Variants in HACE1 observed in about 807,000 individuals in gnomAD.
The protein encoded by HACE1 is HECT domain and ankyrin repeat containing E3 ubiquitin protein ligase 1.
Under a neutral mutation model 118.4 loss-of-function variants are expected in HACE1, and 73 were observed. The observed-to-expected ratio is 0.62, with a 90% confidence interval of 0.51 to 0.75. The LOEUF (loss-of-function observed/expected upper bound fraction) is 0.75, where lower values mean the gene tolerates loss of function less well. Among genes scored for constraint, HACE1 ranks in the 30% least tolerant of loss-of-function variants. HACE1 has a pLI of 0.00. For synonymous variants in HACE1, 368 were observed against 374.8 expected, an observed-to-expected ratio of 0.98 and a Z score of 0.21; for missense variants, 749 against 1,102.2, an observed-to-expected ratio of 0.68 and a Z score of 4.54.
intron 6 of HACE1, among the ~76,000 whole-genome samples, chr6:104,814,632 A>C (rs533306095): frequency 7.3e-6 from 1 of 137,370 alleles, no homozygotes; most frequent in Non-Finnish European, 1.6e-5. Flanking sequence ...GATTATTTCT[A>C]GGTTTAGAGG....
chr6:104,744,316 G>C, intron 21 of HACE1, 86 bp from the exon 22 acceptor site: 2 of 928,752 alleles, frequency 2.2e-6, no homozygotes, highest in Non-Finnish European at 3.6e-6. Context: ...TATTCATAAA[G>C]CACATTTTAT....
chr6:104,826,502 T>C (rs895148712), intron 6 of HACE1, among the ~76,000 whole-genome samples: 1 of 152,188 alleles, frequency 6.6e-6, no homozygotes, highest in Non-Finnish European at 1.5e-5. Flanking sequence ...CTGTGAAAAA[T>C]GCACTGATCT....
intron 7 of HACE1, among the ~76,000 whole-genome samples, chr6:104,810,437 G>A (rs1228093249): frequency 1.3e-5 from 2 of 151,892 alleles, no homozygotes; most frequent in African/African-American, 4.8e-5. Context: ...GAAGAAGAGA[G>A]GAGCTTTCTG....
Position 104,852,379 on chromosome 6 carries a change from A to G in HACE1, c.77-8T>C. ...AAACAGCAGTTTCATTATCTGAGTA[A>G]AAAAAAACAAAGAGTTCATTTATCC... On this transcript the variant is annotated splice_polypyrimidine_tract_variant and splice_region_variant and intron_variant, in intron 1 of 23. Transcript: ENST00000262903. 6.9e-7 allele frequency: 1 copy of G among 1,443,174 alleles called. No homozygotes were observed. Among genetic ancestry groups the G allele is most frequent in the Non-Finnish European group, 9.5e-7 (1 of 1,052,126 alleles). The allele number at this position is 1,443,174 out of a possible 1,614,324, so 89.4% of individuals were successfully genotyped here. A position where few individuals can be genotyped will look rare whatever the true frequency, so the allele number is the denominator to read the frequency against.
At chr6:104,832,465 C>T (rs1193822653) in intron 6 of HACE1, among the ~76,000 whole-genome samples, 7 of 152,076 alleles carry the variant, frequency 4.6e-5, no homozygotes, top group Admixed American at 3.9e-4. Context: ...ACAATCTCAG[C>T]TCACTGCAAC....
rs1773409474 is a variant in HACE1, at chr6:104,827,047, C to T, written c.534+5995G>A. Among the ~76,000 whole-genome samples, 4 of 152,230 alleles carry T rather than the reference C, an allele frequency of 2.6e-5. No individual in the cohort carries two copies. The South Asian group carries it at 6.2e-4, about 24-fold the overall frequency. On this transcript the variant is annotated intron_variant, in intron 6 of 23. Coordinates refer to ENST00000262903, the MANE Select transcript of HACE1 (RefSeq NM_020771.4). ...ACCTTTCAAGTGACAAAACAATATC[C>T]TGAGTGGAAAACGAACATACAAACC...
intron 20 of HACE1, among the ~76,000 whole-genome samples, chr6:104,746,358 C>T (rs978455312): frequency 6.6e-6 from 1 of 152,122 alleles, no homozygotes; most frequent in Non-Finnish European, 1.5e-5. Flanking sequence ...CTACATTGAC[C>T]ACCCCCAAAT....
At chr6:104,816,453 C>A (rs1259056580) in intron 6 of HACE1, among the ~76,000 whole-genome samples, 1 of 152,250 alleles carries the variant, frequency 6.6e-6, no homozygotes, top group Non-Finnish European at 1.5e-5. Context: ...TTAGAGGGTG[C>A]AAGCCCAAGC....
intron 22 of HACE1, among the ~76,000 whole-genome samples, chr6:104,740,133 C>A (rs1316321460): frequency 3.4e-5 from 5 of 148,464 alleles, no homozygotes; most frequent in Non-Finnish European, 4.4e-5. Context: ...AACAACGACA[C>A]AACATACCAG....
intron 20 of HACE1, among the ~76,000 whole-genome samples, chr6:104,747,101 T>C (rs986382382): frequency 3.9e-5 from 6 of 152,102 alleles, no homozygotes; most frequent in African/African-American, 1.4e-4. Context: ...AATGTACATA[T>C]TAAGAAAAAT....
At chr6:104,807,212 C>G (rs1352343971) in intron 7 of HACE1, among the ~76,000 whole-genome samples, 2 of 151,764 alleles carry the variant, frequency 1.3e-5, no homozygotes, top group African/African-American at 2.4e-5. Context: ...TTAGTAGAGA[C>G]GGGGTTTCAC....
intron 6 of HACE1, among the ~76,000 whole-genome samples, chr6:104,818,041 A>C (rs1461129256): frequency 6.6e-6 from 1 of 152,200 alleles, no homozygotes; most frequent in East Asian, 1.9e-4. Flanking sequence ...CATTCTTATC[A>C]GAAGATTTTA....
At position 104,850,365 on chromosome 6, in the gene HACE1, T is replaced by TCAAA. The variant is rs555614636; in HGVS notation, c.221+541_221+542insTTTG. Among the ~76,000 whole-genome samples, 8 of 152,294 alleles carry TCAAA rather than the reference T, an allele frequency of 5.3e-5. No individual in the cohort carries two copies. In the East Asian group the frequency reaches 1.5e-3, roughly 29 times the overall value. On this transcript the variant is annotated intron_variant, in intron 3 of 23. Coordinates refer to ENST00000262903, the MANE Select transcript of HACE1 (RefSeq NM_020771.4). ...TGAAAATTATAAAGTATTTGAGAAATTCAAATACTTCAAAGAAACCATATG... is the reference window on the plus strand; with the variant it reads ...TGAAAATTATAAAGTATTTGAGAAATCAAATCAAATACTTCAAAGAAACCATATG...
Position 104,744,570 on chromosome 6 carries a change from T to C in HACE1, c.2384A>G (p.Asp795Gly). 1 of 1,605,394 alleles carries C rather than the reference T, an allele frequency of 6.2e-7. No individual in the cohort carries two copies. ...TGTGTATTCTGTATTTTTTATCCAA[T>C]CACTCACATCAATTTCTGGCATGCC... is the stretch of plus-strand genomic sequence containing the variant. ...LSGMPEIDVS[D>G]WIKNTEYTSG... The change falls in exon 21 of 24, where the codon GAT becomes GGT. Residue 795 changes from aspartate to glycine, a missense_variant. Asp to Gly is a moderately conservative substitution (Grantham distance 94). Around this residue, in one of 5 missense-constraint regions of HACE1, gnomAD observed 165 missense variants for 229.9 expected, o/e 0.72. Coordinates refer to ENST00000262903, the MANE Select transcript of HACE1 (RefSeq NM_020771.4).
In HACE1 at chr6:104,801,301, T is replaced by C. The variant is rs549132917; in HGVS notation, c.618-4276A>G. ...AAGTTGGAAAACACTCTTTAGGATA[T>C]TATCCAGGAGGACTTCCCCAACCTA... On this transcript the variant is annotated intron_variant, in intron 7 of 23. Coordinates refer to ENST00000262903, the MANE Select transcript of HACE1 (RefSeq NM_020771.4). Among the ~76,000 whole-genome samples the C allele has an allele frequency of 2.0e-5, 3 of 152,262 alleles. No individual in the cohort carries two copies. In the South Asian group the frequency reaches 6.2e-4, roughly 32 times the overall value.
intron 19 of HACE1, among the ~76,000 whole-genome samples, chr6:104,759,710 T>C (rs56294868): frequency 6.6e-6 from 1 of 151,898 alleles, no homozygotes; most frequent in Non-Finnish European, 1.5e-5. Context: ...AGAGCAGAAT[T>C]GAAGGAGACA....
At chr6:104,776,589 T>A (rs950580599) in intron 17 of HACE1, 152 bp downstream of exon 17, 1 of 664,748 alleles carries the variant, frequency 1.5e-6, no homozygotes, top group African/African-American at 1.8e-5. Context: ...TGAATGCAGA[T>A]AAAAACTCTG....
At chr6:104,786,612 A>C (rs1222402230) in intron 11 of HACE1, 2 of 149,796 alleles carry the variant, frequency 1.3e-5, no homozygotes, top group Non-Finnish European at 2.9e-5. Flanking sequence ...TCCAAAAAAA[A>C]AAAAAAAACA....
chr6:104,852,182 A>G (rs1776268759), intron 2 of HACE1, 135 bp downstream of exon 2: 2 of 659,116 alleles, frequency 3.0e-6, no homozygotes, highest in African/African-American at 3.7e-5. Flanking sequence ...GCCCCAGAAC[A>G]TCTATGTCCA....
Sources: allele counts gnomAD v4.1 joint callset (sites outside exome capture counted in the v4.1 genomes callset), GRCh38; gene constraint gnomAD v4.1.1; regional missense constraint gnomAD v4.1.1; transcripts MANE v1.5; gene names NCBI Gene and HGNC (gene_info 2026-07-23, HGNC 2026-07-21).